The following ZMYM2 variants were observed in gnomAD, a reference collection of about 807,000 sequenced individuals.
The protein encoded by ZMYM2 is zinc finger MYM-type protein 2.
In ZMYM2, 56 loss-of-function variants were observed where a neutral mutation model predicts 162.8. The ratio of observed to expected loss-of-function variants is 0.34; its 90% CI spans 0.28 to 0.43. ZMYM2 has a LOEUF of 0.43. Among genes scored for constraint, ZMYM2 ranks in the 20% least tolerant of loss-of-function variants. ZMYM2 has a pLI of 1.00. For synonymous variants in ZMYM2, 510 were observed against 541.6 expected (o/e 0.94, Z 0.81); for missense variants, 1,275 against 1,621.8 (o/e 0.79, Z 3.67).
chr13:19,885,860 A>ATATAT, the ZMYM2 span, among the ~76,000 whole-genome samples: 1 of 52,688 alleles, frequency 1.9e-5, no homozygotes, highest in Non-Finnish European at 3.9e-5. Context: ...AAAAAAAAAA[A>ATATAT]AAATATATAT....
At chr13:19,934,573 T>A in the ZMYM2 span, among the ~76,000 whole-genome samples, 3 of 152,146 alleles carry the variant, frequency 2.0e-5, no homozygotes, top group Admixed American at 2.0e-4. Context: ...CTTTAAAATT[T>A]TTATCATTAT....
chr13:20,059,353 A>G, intron 15 of ZMYM2, 94 bp from the exon 16 acceptor site: 2 of 1,331,410 alleles, frequency 1.5e-6, no homozygotes, highest in Admixed American at 2.7e-5. Flanking sequence ...GTACTGAGGT[A>G]GTTAAATTTT....
intron 7 of ZMYM2, among the ~76,000 whole-genome samples, chr13:20,022,765 A>G (rs1430832403): frequency 6.6e-6 from 1 of 152,144 alleles, no homozygotes; most frequent in Non-Finnish European, 1.5e-5. Context: ...CTTATTTAGT[A>G]TAATAAATAT....
intron 3 of ZMYM2, among the ~76,000 whole-genome samples, chr13:19,996,417 T>C (rs1950021022): frequency 6.6e-6 from 1 of 151,758 alleles, no homozygotes; most frequent in South Asian, 2.1e-4. Context: ...ACCTTGTCTC[T>C]ACTAAAGATA....
the ZMYM2 span, among the ~76,000 whole-genome samples, chr13:19,891,210 G>A: frequency 6.6e-6 from 1 of 151,668 alleles, no homozygotes; most frequent in African/African-American, 2.4e-5. Context: ...CTACTAAGAA[G>A]AGGAAGAGAT....
chr13:19,892,412 C>G, the ZMYM2 span, among the ~76,000 whole-genome samples: 1 of 151,536 alleles, frequency 6.6e-6, no homozygotes, highest in Non-Finnish European at 1.5e-5. Flanking sequence ...GCCGGGACTA[C>G]AGGCGCCCAC....
chr13:20,052,345 A>AT, intron 14 of ZMYM2, 34 bp downstream of exon 14: 1 of 1,548,204 alleles, frequency 6.5e-7, no homozygotes, highest in Admixed American at 2.0e-5. Flanking sequence ...CTGAATTGTG[A>AT]TTTTTGTAAT....
At chr13:19,885,099 G>C in the ZMYM2 span, among the ~76,000 whole-genome samples, 2 of 152,160 alleles carry the variant, frequency 1.3e-5, no homozygotes, top group Non-Finnish European at 2.9e-5. Context: ...AGTTCTCCAA[G>C]TCCCCACCCG....
chr13:19,897,546 C>T, the ZMYM2 span, among the ~76,000 whole-genome samples: 1,320 of 147,862 alleles, frequency 8.9e-3, 8 homozygotes, highest in Non-Finnish European at 0.012. Flanking sequence ...AAGCCCAGGT[C>T]GCACAATATT....
chr13:19,899,801 A>G, the ZMYM2 span, among the ~76,000 whole-genome samples: 1 of 137,896 alleles, frequency 7.3e-6, no homozygotes, highest in Non-Finnish European at 1.6e-5. Context: ...TGGGCGACAG[A>G]CCAGGACTCT....
chr13:19,918,172 T>G, the ZMYM2 span, among the ~76,000 whole-genome samples: 15 of 152,254 alleles, frequency 9.9e-5, no homozygotes, highest in African/African-American at 3.6e-4. Context: ...TGGCCGCATG[T>G]AGTGGCTCAC....
chr13:19,956,692 A>G (rs1401867698), upstream of ZMYM2, among the ~76,000 whole-genome samples: 1 of 152,254 alleles, frequency 6.6e-6, no homozygotes, highest in Non-Finnish European at 1.5e-5. Context: ...TAGTAGCAGT[A>G]TAGAGCTCCA....
At chr13:20,034,158 A>G in intron 10 of ZMYM2, 96 bp from the exon 11 acceptor site, 2 of 1,130,766 alleles carry the variant, frequency 1.8e-6, no homozygotes, top group Non-Finnish European at 2.3e-6. Context: ...TTAACATTAA[A>G]TAGGTAAATG....
the ZMYM2 span, among the ~76,000 whole-genome samples, chr13:19,904,667 T>C: frequency 6.6e-6 from 1 of 152,236 alleles, no homozygotes; most frequent in African/African-American, 2.4e-5. Context: ...TAATCATATA[T>C]GAGCATTGTC....
At chr13:19,899,836 A>AAAAAAAAAAAAAAAAAG in the ZMYM2 span, among the ~76,000 whole-genome samples, 5 of 120,838 alleles carry the variant, frequency 4.1e-5, no homozygotes, top group Admixed American at 8.6e-5. Flanking sequence ...AAAAAAAAAA[A>AAAAAAAAAAAAAAAAAG]AAGGAAAACA....
At chr13:19,869,026 C>T in the ZMYM2 span, among the ~76,000 whole-genome samples, 1 of 152,218 alleles carries the variant, frequency 6.6e-6, no homozygotes, top group Non-Finnish European at 1.5e-5. Context: ...GCTGGGATTA[C>T]AGGCGTGAGC....
chr13:20,051,630 C>T, intron 13 of ZMYM2, 32 bp downstream of exon 13: 1 of 1,580,640 alleles, frequency 6.3e-7, no homozygotes, highest in Non-Finnish European at 8.6e-7. Context: ...AACTTGAAAA[C>T]CCTGTACATC....
At chr13:19,965,372 A>T (rs1426552837) in intron 2 of ZMYM2, 2 of 649,702 alleles carry the variant, frequency 3.1e-6, no homozygotes, top group Admixed American at 3.3e-5. Context: ...ATAATCATTC[A>T]TTTCAAAGAG....
At chr13:19,948,665 T>A in the ZMYM2 span, among the ~76,000 whole-genome samples, 1 of 152,184 alleles carries the variant, frequency 6.6e-6, no homozygotes, top group African/African-American at 2.4e-5. Context: ...TAAACTCTAA[T>A]ATATTAAACT....
Sources: gnomAD v4.1 joint callset for allele counts (sites outside exome capture counted in the v4.1 genomes callset) on GRCh38, gnomAD v4.1.1 for gene constraint, MANE v1.5 for transcripts, NCBI Gene and HGNC (gene_info 2026-07-23, HGNC 2026-07-21) for gene names.